The following PLXNA4 variants were observed in gnomAD, a reference collection of about 807,000 sequenced individuals.
PLXNA4 encodes the protein plexin-A4.
A neutral mutation model predicts 191.8 loss-of-function variants in PLXNA4; 44 were observed. The observed-to-expected ratio is 0.23, with a 90% CI of 0.18 to 0.29. PLXNA4 has a LOEUF of 0.29. Among genes scored for constraint, PLXNA4 ranks in the 10% least tolerant of loss-of-function variants. The pLI is 1.00. For synonymous variants in PLXNA4, 1,082 were observed against 1,009.5 expected (o/e 1.07, Z -1.36); for missense variants, 1,800 against 2,488.8 (o/e 0.72, Z 5.89).
intron 2 of PLXNA4, among the ~76,000 whole-genome samples, 156 bp from the exon 3 acceptor site, chr7:132,489,630 T>C (rs1797701833): frequency 2.0e-5 from 3 of 152,158 alleles, no homozygotes; most frequent in Admixed American, 2.0e-4. Context: ...CCAGAGAAAC[T>C]AGGTGACCTG....
intron 3 of PLXNA4, among the ~76,000 whole-genome samples, chr7:132,366,476 A>G (rs1032219600): frequency 6.6e-6 from 1 of 152,066 alleles, no homozygotes; most frequent in African/African-American, 2.4e-5. Context: ...GTGAGCCGAG[A>G]TTGTGTGACT....
At chr7:132,641,252 G>T (rs890418276) in intron 2 of PLXNA4, among the ~76,000 whole-genome samples, 22 of 152,202 alleles carry the variant, frequency 1.4e-4, no homozygotes, top group Non-Finnish European at 2.9e-4. Flanking sequence ...AGCCTGGGTG[G>T]CTTAAACAAC....
Position 132,568,178 on chromosome 7 carries a change from G to A in PLXNA4, c.-87+8244C>T, listed in dbSNP as rs530011983. ...ATGTCCCCTGTTGCATTATATTTCA[G>A]TGCTTTCATTATTTCTTAAAACTGG... On this transcript the variant is annotated intron_variant, in intron 1 of 31. Coordinates refer to ENST00000321063, the MANE Select transcript of PLXNA4 (RefSeq NM_020911.2). 5.3e-5 allele frequency among the ~76,000 whole-genome samples: 8 copies of A among 152,314 alleles called. No individual in the cohort carries two copies. The East Asian group carries it at 1.4e-3, about 26-fold the overall frequency.
chr7:132,180,819 C>G, intron 18 of PLXNA4, 87 bp from the exon 19 acceptor site: 1 of 1,541,056 alleles, frequency 6.5e-7, no homozygotes, highest in Non-Finnish European at 8.8e-7. Flanking sequence ...CCTGGAGGTC[C>G]CATCCCGCTG....
chr7:132,187,448 C>T, intron 15 of PLXNA4, 23 bp downstream of exon 15: 2 of 1,606,824 alleles, frequency 1.2e-6, no homozygotes, highest in East Asian at 4.5e-5. Flanking sequence ...TCTGGTGCTG[C>T]AGAAAGGGGC....
intron 10 of PLXNA4, among the ~76,000 whole-genome samples, chr7:132,207,257 C>T (rs1797655524): frequency 6.6e-6 from 1 of 152,226 alleles, no homozygotes; most frequent in Non-Finnish European, 1.5e-5. Flanking sequence ...CTATTGCTTC[C>T]CTATCCCTGT....
intron 2 of PLXNA4, among the ~76,000 whole-genome samples, chr7:132,615,927 A>ATCTCTCTCTCTCTCTCTC (rs370549958): frequency 0.056 from 4,632 of 83,312 alleles, 486 homozygotes; most frequent in Non-Finnish European, 0.083. Context: ...CAGATAAAGG[A>ATCTCTCTCTCTCTCTCTC]TCTCTCTCTC....
intron 2 of PLXNA4, among the ~76,000 whole-genome samples, chr7:132,585,870 A>G (rs996868757): frequency 6.6e-6 from 1 of 152,160 alleles, no homozygotes; most frequent in African/African-American, 2.4e-5. Flanking sequence ...CAAAGGCCCC[A>G]ACTTGGGGGG....
At chr7:132,582,492 G>T (rs754335518) in intron 2 of PLXNA4, among the ~76,000 whole-genome samples, 1 of 152,184 alleles carries the variant, frequency 6.6e-6, no homozygotes, top group Non-Finnish European at 1.5e-5. Flanking sequence ...TGAAGTGACA[G>T]TGTCCAAGGC....
chr7:132,493,638 C>T (rs2117557257), intron 2 of PLXNA4, among the ~76,000 whole-genome samples: 1 of 152,056 alleles, frequency 6.6e-6, no homozygotes, highest in Non-Finnish European at 1.5e-5. Context: ...ATCTTTGTAC[C>T]CCTAGCTTAG....
In PLXNA4 at chr7:132,284,684, G is replaced by T. The variant is rs559915990; in HGVS notation, c.1503+13407C>A. Among the ~76,000 whole-genome samples, 10 of 152,222 alleles carry T rather than the reference G, an allele frequency of 6.6e-5. No individual in the cohort carries two copies. The South Asian group carries it at 8.3e-4, about 13-fold the overall frequency. On this transcript the variant is annotated intron_variant, in intron 4 of 31. Transcript: ENST00000321063. The stretch of plus-strand genomic sequence containing the variant: ...GATGGAGGCCTCCTGGTCTGCTCTC[G>T]GTCACTCTTGGCACCAAAAACACCT...
chr7:132,160,098 T>C (rs1485857698), intron 24 of PLXNA4, among the ~76,000 whole-genome samples: 1 of 152,156 alleles, frequency 6.6e-6, no homozygotes, highest in African/African-American at 2.4e-5. Context: ...TGTCTCCTTC[T>C]TGTCACTCCT....
intron 3 of PLXNA4, among the ~76,000 whole-genome samples, chr7:132,457,290 A>G (rs999496867): frequency 6.6e-6 from 1 of 152,232 alleles, no homozygotes; most frequent in Non-Finnish European, 1.5e-5. Context: ...CCAAGATCCC[A>G]CACTGCACTG....
chr7:132,451,210 G>A (rs1011300244), intron 3 of PLXNA4, among the ~76,000 whole-genome samples: 1 of 152,208 alleles, frequency 6.6e-6, no homozygotes, highest in Non-Finnish European at 1.5e-5. Flanking sequence ...CATCCACGCT[G>A]GTCCAGAAGT....
chr7:132,159,627 C>A lies in PLXNA4; in HGVS notation c.4506G>T (p.Leu1502=). 6.2e-7 allele frequency: 1 copy of A among 1,613,988 alleles called. No individual in the cohort carries two copies. The change falls in exon 25 of 32, where the codon CTG becomes CTT. Residue 1502 remains leucine, a synonymous_variant. Coordinates refer to ENST00000321063, the MANE Select transcript of PLXNA4 (RefSeq NM_020911.2). ...RQQIDYKTLV[L]SCVSPDNANS... is the part of the protein sequence containing the mutation. ...TGGCATTGTCTGGGCTGACACAGCTCAGGACCTGAAGGAAAGGTGGGGAGA... is the reference window on the plus strand; with the variant it reads ...TGGCATTGTCTGGGCTGACACAGCTAAGGACCTGAAGGAAAGGTGGGGAGA...
chr7:132,488,903 G>C (rs751990211), intron 3 of PLXNA4, among the ~76,000 whole-genome samples: 1 of 152,208 alleles, frequency 6.6e-6, no homozygotes, highest in Non-Finnish European at 1.5e-5. Flanking sequence ...AGCCAGAAGG[G>C]CTGGAGCAAG....
chr7:132,214,346 T>C (rs192359762), intron 9 of PLXNA4, among the ~76,000 whole-genome samples: 31 of 152,262 alleles, frequency 2.0e-4, no homozygotes, highest in Middle Eastern at 3.4e-3. Context: ...GGTAGCCCCA[T>C]AAAGGCCTAG....
At chr7:132,366,258 GCTC>G (rs1255678052) in intron 3 of PLXNA4, among the ~76,000 whole-genome samples, 1 of 152,106 alleles carries the variant, frequency 6.6e-6, no homozygotes, top group Non-Finnish European at 1.5e-5. Context: ...AGGCATGGTG[GCTC>G]CCACCTATAA....
At chr7:132,451,908 T>C (rs1796137788) in intron 3 of PLXNA4, among the ~76,000 whole-genome samples, 2 of 152,214 alleles carry the variant, frequency 1.3e-5, no homozygotes, top group African/African-American at 4.8e-5. Context: ...CTTTCTTCAA[T>C]CAATAAAACT....
Sources: gnomAD v4.1 joint callset for allele counts (sites outside exome capture counted in the v4.1 genomes callset) on GRCh38, gnomAD v4.1.1 for gene constraint, MANE v1.5 for transcripts, NCBI Gene and HGNC (gene_info 2026-07-23, HGNC 2026-07-21) for gene names.